The following PMFBP1 variants were observed in gnomAD, a reference collection of about 807,000 sequenced individuals.
PMFBP1 encodes polyamine modulated factor 1 binding protein 1.
In PMFBP1, 131 loss-of-function variants were observed where a neutral mutation model predicts 137.8. That is an observed-to-expected ratio of 0.95 (90% CI 0.82 to 1.10). The LOEUF is 1.10. Among genes scored for constraint, PMFBP1 ranks in the 50% least tolerant of loss-of-function variants. The pLI is 0.00. For synonymous variants in PMFBP1, 490 were observed against 450.4 expected, an observed-to-expected ratio of 1.09 and a Z score of -1.11; for missense variants, 1,199 against 1,175.4, an observed-to-expected ratio of 1.02 and a Z score of -0.29.
At position 72,139,278 on chromosome 16, in the gene PMFBP1, A is replaced by G. The variant is rs1195959848; in HGVS notation, c.918+11T>C. The G allele has an allele frequency of 6.2e-7, 1 of 1,604,548 alleles. No individual in the cohort carries two copies. The highest frequency in any genetic ancestry group is 8.5e-7 in the Non-Finnish European group (1 of 1,171,638). Reference sequence around the variant, plus strand: ...GATCCCAGTAGGCACAGATCAGCAAATTTCTCCCACCTTTTTGATGTCTTC... The same window carrying G: ...GATCCCAGTAGGCACAGATCAGCAAGTTTCTCCCACCTTTTTGATGTCTTC... On this transcript the variant is annotated intron_variant, in intron 7 of 20. Coordinates refer to ENST00000237353, the MANE Select transcript of PMFBP1 (RefSeq NM_031293.3).
rs1156612056 is a variant in PMFBP1 at position 72,164,904 on chromosome 16, C to G, written c.25G>C (p.Asp9His). The G allele has an allele frequency of 6.3e-7, 1 of 1,591,100 alleles. No homozygotes were observed. The highest frequency in any genetic ancestry group is 2.3e-5 in the East Asian group (1 of 44,260). MKDEAGERDREVSSLNSKL... is the reference protein window; with the variant it reads MKDEAGERHREVSSLNSKL... The stretch of plus-strand genomic sequence containing the variant: ...CTGTTCAGGCTGCTCACTTCTCTGT[C>G]TCTCTCCCCCGCCTAGGCAGCCAGA... Residue 9 changes from aspartate to histidine, a missense_variant, in exon 3 of 21, where the codon GAC becomes CAC. Physicochemically the swap from Asp to His is moderately conservative, Grantham distance 81. Coordinates refer to ENST00000237353, the MANE Select transcript of PMFBP1 (RefSeq NM_031293.3).
intron 5 of PMFBP1, among the ~76,000 whole-genome samples, chr16:72,146,326 G>C (rs182601199): frequency 3.9e-5 from 6 of 152,170 alleles, no homozygotes; most frequent in South Asian, 2.1e-4. Context: ...ATTCAACAGC[G>C]CTTCATGCTA....
rs117484229 is a variant in PMFBP1, at chr16:72,167,681, C to G, written c.13-2765G>C. The stretch of plus-strand genomic sequence containing the variant: ...TGGGACCCTAAGGAGCCTCTCCACT[C>G]TGGCCACAGGACTGTCTTTCTTTGG... On this transcript the variant is annotated intron_variant, in intron 2 of 20. Transcript: ENST00000237353. Among the ~76,000 whole-genome samples, 1,037 of 152,308 alleles carry G rather than the reference C, an allele frequency of 6.8e-3. 5 individuals carry two copies. Among genetic ancestry groups the G allele is most frequent in the Middle Eastern group, 0.014 (4 of 294 alleles).
chr16:72,234,310 GGGA>G, the PMFBP1 span, among the ~76,000 whole-genome samples: 1 of 152,152 alleles, frequency 6.6e-6, no homozygotes, highest in African/African-American at 2.4e-5. Context: ...CAAACTATCT[GGGA>G]CTTGTGATTA....
At chr16:72,188,385 C>G in the PMFBP1 span, among the ~76,000 whole-genome samples, 7 of 152,228 alleles carry the variant, frequency 4.6e-5, no homozygotes, top group Admixed American at 4.6e-4. Context: ...CAGTTCTTCT[C>G]TCTTACGTGC....
At chr16:72,133,760 G>T (rs2042583587) in intron 9 of PMFBP1, among the ~76,000 whole-genome samples, 1 of 152,132 alleles carries the variant, frequency 6.6e-6, no homozygotes, top group Non-Finnish European at 1.5e-5. Context: ...GCCATGCCAG[G>T]GAAAGGCAGG....
intron 14 of PMFBP1, among the ~76,000 whole-genome samples, 165 bp from the exon 15 acceptor site, chr16:72,126,297 G>A (rs1172949072): frequency 2.0e-5 from 3 of 152,216 alleles, no homozygotes; most frequent in Non-Finnish European, 2.9e-5. Context: ...AAAAGGTAGA[G>A]CTGTCTTTCC....
At chr16:72,182,646 G>A in the PMFBP1 span, among the ~76,000 whole-genome samples, 1 of 152,156 alleles carries the variant, frequency 6.6e-6, no homozygotes, top group African/African-American at 2.4e-5. Context: ...AGTATGCATT[G>A]GGTGAAGCAG....
chr16:72,145,031 C>T (rs2042784016), intron 5 of PMFBP1, among the ~76,000 whole-genome samples: 1 of 152,168 alleles, frequency 6.6e-6, no homozygotes, highest in Admixed American at 6.5e-5. Flanking sequence ...CCAAGCGGAC[C>T]TAATAGACAT....
chr16:72,143,665 C>A (rs1200614429), intron 5 of PMFBP1, among the ~76,000 whole-genome samples: 1 of 151,956 alleles, frequency 6.6e-6, no homozygotes, highest in Non-Finnish European at 1.5e-5. Context: ...ATTGCTTGAA[C>A]CCAAGAGGCG....
upstream of PMFBP1, among the ~76,000 whole-genome samples, chr16:72,175,028 C>T (rs924207813): frequency 2.6e-5 from 4 of 152,210 alleles, no homozygotes; most frequent in Non-Finnish European, 5.9e-5. Flanking sequence ...CATACATACA[C>T]ACACACCACA....
chr16:72,119,803 T>C, intron 20 of PMFBP1, 48 bp downstream of exon 20: 1 of 1,598,574 alleles, frequency 6.3e-7, no homozygotes, highest in Non-Finnish European at 8.5e-7. Context: ...AATCCAGTGA[T>C]TTAAAGAAAA....
upstream of PMFBP1, among the ~76,000 whole-genome samples, chr16:72,180,141 G>A (rs2043271211): frequency 6.6e-6 from 1 of 152,174 alleles, no homozygotes; most frequent in Non-Finnish European, 1.5e-5. Flanking sequence ...GGGCTGAAAT[G>A]TAGCTTTGCT....
At chr16:72,239,050 G>T in the PMFBP1 span, among the ~76,000 whole-genome samples, 1 of 152,134 alleles carries the variant, frequency 6.6e-6, no homozygotes, top group Non-Finnish European at 1.5e-5. Context: ...TTTGCAAAAA[G>T]TAAGGAAAAA....
chr16:72,135,065 G>A lies in PMFBP1; in HGVS notation c.1203+1383C>T, dbSNP rs576637131. The stretch of plus-strand genomic sequence containing the variant: ...ACTCAAAACTGTTTACGCAGACTCC[G>A]TGCCTTGTCATCATCTCTCCAAATA... On this transcript the variant is annotated intron_variant, in intron 9 of 20. Coordinates refer to ENST00000237353, the MANE Select transcript of PMFBP1 (RefSeq NM_031293.3). Among the ~76,000 whole-genome samples, 4 of 152,250 alleles carry A rather than the reference G, an allele frequency of 2.6e-5. No individual in the cohort carries two copies. In the East Asian group the frequency reaches 5.8e-4, roughly 22 times the overall value.
intron 9 of PMFBP1, 104 bp downstream of exon 9, chr16:72,136,344 G>A: frequency 7.4e-7 from 1 of 1,348,384 alleles, no homozygotes; most frequent in Non-Finnish European, 1.0e-6. Flanking sequence ...CTTGTGTTGA[G>A]GCTCCCAAAG....
chr16:72,198,639 G>GT, the PMFBP1 span, among the ~76,000 whole-genome samples: 15 of 152,222 alleles, frequency 9.9e-5, no homozygotes, highest in Admixed American at 4.6e-4. Context: ...TTCAGTAGTA[G>GT]TTTTTTCTCC....
chr16:72,155,756 G>A (rs6499564), intron 3 of PMFBP1, among the ~76,000 whole-genome samples: 88,000 of 151,958 alleles, frequency 0.58, 26,495 homozygotes, highest in African/African-American at 0.74. Context: ...GTGCAACTCA[G>A]TGACTTGTAA....
chr16:72,171,140 A>G (rs2043215223), intron 2 of PMFBP1, 57 bp downstream of exon 2: 2 of 1,577,764 alleles, frequency 1.3e-6, no homozygotes, highest in African/African-American at 2.7e-5. Flanking sequence ...AAACATGAAA[A>G]AAGTCCCTTG....
Sources: gnomAD v4.1 joint callset for allele counts (sites outside exome capture counted in the v4.1 genomes callset) on GRCh38, gnomAD v4.1.1 for gene constraint, MANE v1.5 for transcripts, NCBI Gene and HGNC (gene_info 2026-07-23, HGNC 2026-07-21) for gene names.